Variants in TBC1D23 observed in about 807,000 individuals in gnomAD.
TBC1D23 encodes the protein TBC1 domain family member 23.
In TBC1D23, 55 loss-of-function variants were observed where a neutral mutation model predicts 91.4. That is an observed-to-expected ratio of 0.60 (90% CI 0.48 to 0.75). The LOEUF (loss-of-function observed/expected upper bound fraction) is 0.75, where lower values mean the gene tolerates loss of function less well. Ranked by LOEUF, TBC1D23 falls within the 30% of genes least tolerant of loss-of-function variation. TBC1D23 has a pLI of 0.00. For synonymous variants in TBC1D23, 289 were observed against 281.0 expected (o/e 1.03, Z -0.28); for missense variants, 725 against 836.1 (o/e 0.87, Z 1.64).
intron 12 of TBC1D23, among the ~76,000 whole-genome samples, chr3:100,305,771 G>A (rs572940034): frequency 2.6e-5 from 4 of 152,228 alleles, no homozygotes; most frequent in South Asian, 2.1e-4. Context: ...GACTTTTGAG[G>A]TTCATACCCA....
chr3:100,307,710 T>G (rs952010702), intron 13 of TBC1D23, among the ~76,000 whole-genome samples: 2 of 152,252 alleles, frequency 1.3e-5, no homozygotes, highest in African/African-American at 4.8e-5. Flanking sequence ...CACCATTACT[T>G]AGTAAACGTT....
intron 7 of TBC1D23, among the ~76,000 whole-genome samples, chr3:100,295,624 T>C (rs2067832444): frequency 6.6e-6 from 1 of 152,174 alleles, no homozygotes; most frequent in East Asian, 1.9e-4. Context: ...CCCTCCTCTG[T>C]TCCTCCCTAC....
Position 100,316,121 on chromosome 3 carries a change from G to A in TBC1D23, c.1621G>A (p.Val541Met). 1 of 1,614,064 alleles carries A rather than the reference G, an allele frequency of 6.2e-7. No homozygotes were observed. The highest frequency in any genetic ancestry group is 8.5e-7 in the Non-Finnish European group (1 of 1,179,934). ...TERHVSSSDR[V>M]GKPYRGVKPV... ...TAGGCATGTGAGCAGCAGTGACAGAGTGGGCAAGCCTTACCGTGGCGTAAA... is the reference window on the plus strand; with the variant it reads ...TAGGCATGTGAGCAGCAGTGACAGAATGGGCAAGCCTTACCGTGGCGTAAA... Residue 541 changes from valine to methionine, a missense_variant, in exon 16 of 19, where the codon GTG (valine) becomes ATG (methionine). Physicochemically the swap from Val to Met is conservative, Grantham distance 21. Coordinates refer to ENST00000394144, the MANE Select transcript of TBC1D23 (RefSeq NM_001199198.3).
intron 1 of TBC1D23, among the ~76,000 whole-genome samples, chr3:100,262,723 CAAAAAAAAA>C (rs1174689237): frequency 1.2e-4 from 6 of 51,422 alleles, no homozygotes; most frequent in Admixed American, 6.4e-4. Context: ...GGCTCGGTCT[CAAAAAAAAA>C]AAAAAAAAAA....
Position 100,266,259 on chromosome 3 carries a change from G to T in TBC1D23, c.53+5188G>T, listed in dbSNP as rs192682049. ...GTCTTTAATTATAATTTAGATTTTA[G>T]AGTTTTTAAAGGTAATTTTTTTTTT... On this transcript the variant is annotated intron_variant, in intron 1 of 18. Transcript: ENST00000394144. Among the ~76,000 whole-genome samples, 712 of 152,098 alleles carry T rather than the reference G, an allele frequency of 4.7e-3. 2 individuals carry two copies. The highest frequency in any genetic ancestry group is 6.4e-3 in the Non-Finnish European group (432 of 67,976).
At position 100,300,974 on chromosome 3, in the gene TBC1D23, A is replaced by G. The variant is rs577298919; in HGVS notation, c.1093-1093A>G. ...ATGCATAGTGGTCCATGGTACATGTAGGTATACTATAATTTATTGCCTGAT... is the reference window on the plus strand; with the variant it reads ...ATGCATAGTGGTCCATGGTACATGTGGGTATACTATAATTTATTGCCTGAT... On this transcript the variant is annotated intron_variant, in intron 10 of 18. Transcript: ENST00000394144. Among the ~76,000 whole-genome samples the G allele has an allele frequency of 5.3e-5, 8 of 152,302 alleles. No homozygotes were observed. In the South Asian group the frequency reaches 1.4e-3, roughly 28 times the overall value.
chr3:100,266,539 G>A (rs912233809), intron 1 of TBC1D23, among the ~76,000 whole-genome samples: 5 of 152,136 alleles, frequency 3.3e-5, no homozygotes, highest in African/African-American at 1.2e-4. Flanking sequence ...ACAGTGTTGG[G>A]ACTACAGGCA....
intron 16 of TBC1D23, among the ~76,000 whole-genome samples, chr3:100,317,651 G>C (rs1412230745): frequency 6.6e-6 from 1 of 151,828 alleles, no homozygotes; most frequent in Non-Finnish European, 1.5e-5. Context: ...ATTTCTGCTT[G>C]TTTCCTTTTC....
At position 100,299,265 on chromosome 3, in the gene TBC1D23, T is replaced by C. The variant is rs1705374557; in HGVS notation, c.1026T>C (p.Asp342=). The change falls in exon 10 of 19, where the codon GAT becomes GAC. Residue 342 remains aspartate (D), a synonymous_variant. Coordinates refer to ENST00000394144, the MANE Select transcript of TBC1D23 (RefSeq NM_001199198.3). ...AAGGAGTCCGGTTCTTTGTGGTGGA[T>C]TGCCGTCCTGCAGAACAATATAATG... ...QGEGVRFFVV[D]CRPAEQYNAG... is the part of the protein sequence containing the mutation. The C allele has an allele frequency of 3.7e-6, 6 of 1,612,892 alleles. No homozygotes were observed. The highest frequency in any genetic ancestry group is 5.1e-6 in the Non-Finnish European group (6 of 1,179,144).
intron 12 of TBC1D23, among the ~76,000 whole-genome samples, chr3:100,305,854 A>G (rs1312008844): frequency 6.6e-6 from 1 of 152,164 alleles, no homozygotes; most frequent in Non-Finnish European, 1.5e-5. Context: ...AGTGTTATTT[A>G]TTAGGAATCC....
At chr3:100,314,956 A>G (rs1038487188) in intron 15 of TBC1D23, among the ~76,000 whole-genome samples, 1 of 152,110 alleles carries the variant, frequency 6.6e-6, no homozygotes, top group Admixed American at 6.6e-5. Flanking sequence ...TACAAGTAAA[A>G]CAATGCTTTT....
intron 1 of TBC1D23, among the ~76,000 whole-genome samples, chr3:100,271,218 T>G (rs980851422): frequency 6.6e-6 from 1 of 151,782 alleles, no homozygotes; most frequent in East Asian, 1.9e-4. Context: ...GAAATGGAAG[T>G]GGGTTGGCAA....
intron 1 of TBC1D23, among the ~76,000 whole-genome samples, chr3:100,264,583 A>G (rs574603838): frequency 1.8e-4 from 27 of 152,350 alleles, no homozygotes; most frequent in African/African-American, 6.3e-4. Flanking sequence ...GGGCCTATCT[A>G]GACAAATTGT....
intron 5 of TBC1D23, among the ~76,000 whole-genome samples, chr3:100,292,255 A>T (rs1219310506): frequency 6.6e-6 from 1 of 152,198 alleles, no homozygotes; most frequent in Non-Finnish European, 1.5e-5. Flanking sequence ...ACTTCTGGTT[A>T]ACTGCTGCTC....
At chr3:100,309,079 A>G (rs1705570464) in intron 13 of TBC1D23, among the ~76,000 whole-genome samples, 1 of 152,138 alleles carries the variant, frequency 6.6e-6, no homozygotes, top group Non-Finnish European at 1.5e-5. Flanking sequence ...AGACTGAGGC[A>G]GGGAGAATTG....
At position 100,319,535 on chromosome 3, in the gene TBC1D23, T is replaced by C. The variant is rs113326498; in HGVS notation, c.1823+331T>C. Among the ~76,000 whole-genome samples the C allele has an allele frequency of 5.5e-3, 844 of 152,190 alleles. 12 individuals carry two copies. Among genetic ancestry groups the C allele is most frequent in the African/African-American group, 0.019 (771 of 41,532 alleles). ...CCTCTGCCTCCCAGGTTCAAGTGATTCTCCTGCCTCAGCCTCCAGAGTAGC... is the reference window on the plus strand; with the variant it reads ...CCTCTGCCTCCCAGGTTCAAGTGATCCTCCTGCCTCAGCCTCCAGAGTAGC... On this transcript the variant is annotated intron_variant, in intron 17 of 18. Coordinates refer to ENST00000394144, the MANE Select transcript of TBC1D23 (RefSeq NM_001199198.3).
chr3:100,309,610 C>CTT (rs71132518), intron 13 of TBC1D23, among the ~76,000 whole-genome samples: 3,604 of 115,996 alleles, frequency 0.031, 259 homozygotes, highest in African/African-American at 0.11. Context: ...ATTCTACCTT[C>CTT]TTTTTTTTTT....
Position 100,302,048 on chromosome 3 carries a change from C to CT in TBC1D23, c.1093-16dup. 1 of 1,567,964 alleles carries CT rather than the reference C, an allele frequency of 6.4e-7. No homozygotes were observed. Among genetic ancestry groups the CT allele is most frequent in the East Asian group, 2.4e-5 (1 of 41,692 alleles). ...AAACACAGGCTTGTCAAGTTTTTAA[C>CT]TTTAAAAAAATTGTCTAGATGCTTC... On this transcript the variant is annotated intron_variant, in intron 10 of 18. Transcript: ENST00000394144.
intron 13 of TBC1D23, among the ~76,000 whole-genome samples, chr3:100,309,610 C>CTTCTTTT (rs1705584259): frequency 1.7e-5 from 2 of 116,124 alleles, no homozygotes; most frequent in South Asian, 6.1e-4. Context: ...ATTCTACCTT[C>CTTCTTTT]TTTTTTTTTT....
Sources: gnomAD v4.1 joint callset for allele counts (sites outside exome capture counted in the v4.1 genomes callset) on GRCh38, gnomAD v4.1.1 for gene constraint, MANE v1.5 for transcripts, NCBI Gene and HGNC (gene_info 2026-07-23, HGNC 2026-07-21) for gene names.